EBPL: variants seen among roughly 807,000 people sequenced by gnomAD.
EBPL encodes EBP like.
A neutral mutation model predicts 19.0 loss-of-function variants in EBPL; 20 were observed. That is an observed-to-expected ratio of 1.05 (90% CI 0.74 to 1.53). The LOEUF (loss-of-function observed/expected upper bound fraction) is 1.53, where lower values mean the gene tolerates loss of function less well. Ranked by LOEUF, EBPL falls within the 40% of genes most tolerant of loss-of-function variation. EBPL has a pLI of 0.00. For missense variants in EBPL, 219 were observed against 261.1 expected, an observed-to-expected ratio of 0.84 and a Z score of 1.11; for synonymous variants, 107 against 117.0, an observed-to-expected ratio of 0.91 and a Z score of 0.55.
intron 1 of EBPL, among the ~76,000 whole-genome samples, chr13:49,678,321 C>T (rs1387508630): frequency 3.3e-5 from 5 of 152,362 alleles, no homozygotes; most frequent in East Asian, 3.9e-4. Context: ...GCCAGTCCTG[C>T]GCCGCGCGCC....
chr13:49,671,037 G>A (rs1001073291), intron 1 of EBPL, among the ~76,000 whole-genome samples: 2 of 152,218 alleles, frequency 1.3e-5, no homozygotes, highest in African/African-American at 2.4e-5. Context: ...TTGTGATTAT[G>A]GAAACAGCGT....
At chr13:49,664,052 G>A (rs548908750) in intron 2 of EBPL, among the ~76,000 whole-genome samples, 28 of 152,348 alleles carry the variant, frequency 1.8e-4, no homozygotes, top group African/African-American at 6.7e-4. Flanking sequence ...AGGAGTTTGG[G>A]ACCAGCTCAG....
Position 49,665,113 on chromosome 13 carries a change from CTT to C in EBPL, c.242-1920_242-1919del, listed in dbSNP as rs71078878. On this transcript the variant is annotated intron_variant, in intron 2 of 3. Coordinates refer to ENST00000242827, the MANE Select transcript of EBPL (RefSeq NM_032565.5). ...GAACAAAAAGAGATATTGACCAAGT[CTT>C]TTTTTTTTTTTTTTTGAGAAGGAGT... 1.6e-3 allele frequency among the ~76,000 whole-genome samples: 205 copies of C among 130,648 alleles called. 1 individual carries two copies. The highest frequency in any genetic ancestry group is 3.8e-3 in the African/African-American group (132 of 34,744). 85.7% of individuals were successfully genotyped at this position (130,648 alleles called of 152,430 possible).
At chr13:49,681,839 T>C (rs1206580226) in intron 1 of EBPL, among the ~76,000 whole-genome samples, 1 of 152,232 alleles carries the variant, frequency 6.6e-6, no homozygotes, top group Non-Finnish European at 1.5e-5. Flanking sequence ...TTGTTGTATG[T>C]TTGAATGAAG....
At chr13:49,678,024 G>A (rs942937820) in intron 1 of EBPL, among the ~76,000 whole-genome samples, 1 of 24,038 alleles carries the variant, frequency 4.2e-5, no homozygotes, top group African/African-American at 6.7e-5. Context: ...AGCGTGGAAG[G>A]GGACCCAAGC....
intron 2 of EBPL, among the ~76,000 whole-genome samples, chr13:49,664,080 T>C (rs868311517): frequency 1.3e-5 from 2 of 152,108 alleles, no homozygotes; most frequent in Admixed American, 6.6e-5. Context: ...GGCGAAACCG[T>C]GTCTCTACTA....
chr13:49,667,522 T>A (rs1965245733), intron 2 of EBPL, among the ~76,000 whole-genome samples: 1 of 152,174 alleles, frequency 6.6e-6, no homozygotes, highest in Admixed American at 6.5e-5. Context: ...GGTATCAGAA[T>A]CTGCATTTGA....
At chr13:49,667,161 T>A (rs1965240967) in intron 2 of EBPL, among the ~76,000 whole-genome samples, 1 of 152,160 alleles carries the variant, frequency 6.6e-6, no homozygotes, top group Admixed American at 6.5e-5. Context: ...CTGTGGCATC[T>A]CCCTCTGGCA....
intron 2 of EBPL, among the ~76,000 whole-genome samples, chr13:49,667,430 G>C (rs1965244670): frequency 6.6e-6 from 1 of 152,128 alleles, no homozygotes; most frequent in Non-Finnish European, 1.5e-5. Flanking sequence ...GAGTATTCAT[G>C]AGGTTTATGG....
Position 49,683,484 on chromosome 13 carries a change from G to A in EBPL, c.171+7770C>T, listed in dbSNP as rs535025622. On this transcript the variant is annotated intron_variant, in intron 1 of 3. Coordinates refer to ENST00000242827, the MANE Select transcript of EBPL (RefSeq NM_032565.5). ...AGGCGGAGCTTGCAGTGAGCCGATC[G>A]CACCACTGCACTCCAGCCTGGACCA... is the stretch of plus-strand genomic sequence containing the variant. Among the ~76,000 whole-genome samples, 20 of 152,010 alleles carry A rather than the reference G, an allele frequency of 1.3e-4. No individual in the cohort carries two copies. The East Asian group carries it at 2.7e-3, about 21-fold the overall frequency.
intron 1 of EBPL, among the ~76,000 whole-genome samples, chr13:49,682,887 C>A (rs1375447164): frequency 6.6e-6 from 1 of 152,166 alleles, no homozygotes; most frequent in Non-Finnish European, 1.5e-5. Flanking sequence ...TTCCACCTTC[C>A]CCCACCGCCC....
In EBPL at chr13:49,691,461, C is replaced by T; in HGVS notation, c.-37G>A. ...CCGACGCCAACGGCCCAGGACCATGCGGCAGAGGAAAGCAGGGAGAGAAAC... is the reference window on the plus strand; with the variant it reads ...CCGACGCCAACGGCCCAGGACCATGTGGCAGAGGAAAGCAGGGAGAGAAAC... On this transcript the variant is annotated 5_prime_UTR_variant, in exon 1 of 4. Coordinates refer to ENST00000242827, the MANE Select transcript of EBPL (RefSeq NM_032565.5). The T allele has an allele frequency of 4.6e-6, 6 of 1,297,048 alleles. No individual in the cohort carries two copies. Among genetic ancestry groups the T allele is most frequent in the Non-Finnish European group, 4.9e-6 (5 of 1,021,054 alleles). The allele number at this position is 1,297,048 out of a possible 1,614,324, so 80.3% of individuals were successfully genotyped here.
intron 1 of EBPL, among the ~76,000 whole-genome samples, chr13:49,676,601 A>T (rs1286942313): frequency 1.3e-5 from 2 of 148,834 alleles, no homozygotes; most frequent in Non-Finnish European, 3.0e-5. Context: ...CAAAAAAAAT[A>T]AAATAAATAA....
chr13:49,691,057 C>A (rs1954057615), intron 1 of EBPL, among the ~76,000 whole-genome samples, 197 bp downstream of exon 1: 1 of 152,234 alleles, frequency 6.6e-6, no homozygotes, highest in Admixed American at 6.5e-5. Flanking sequence ...AGGTAAGCTG[C>A]GCTCTGTTCA....
chr13:49,674,242 A>G (rs1302706324), intron 1 of EBPL, among the ~76,000 whole-genome samples: 2 of 152,020 alleles, frequency 1.3e-5, no homozygotes, highest in East Asian at 3.9e-4. Context: ...AGCTGGGGTT[A>G]CAGGTGCCCG....
At chr13:49,684,057 G>A (rs753266798) in intron 1 of EBPL, among the ~76,000 whole-genome samples, 4 of 152,230 alleles carry the variant, frequency 2.6e-5, no homozygotes, top group Admixed American at 6.5e-5. Flanking sequence ...TTATAGGACA[G>A]CAAAACTTTA....
At chr13:49,689,662 T>A (rs1174021392) in intron 1 of EBPL, among the ~76,000 whole-genome samples, 1 of 146,060 alleles carries the variant, frequency 6.8e-6, no homozygotes, top group East Asian at 2.0e-4. Context: ...TACATTTTTA[T>A]ATATATACAT....
chr13:49,691,222 G>A (rs1396821138), intron 1 of EBPL, 32 bp downstream of exon 1: 3 of 1,309,626 alleles, frequency 2.3e-6, no homozygotes, highest in East Asian at 5.8e-5. Flanking sequence ...TCTCTGGGAT[G>A]GGGAGTGCAG....
intron 1 of EBPL, among the ~76,000 whole-genome samples, chr13:49,682,156 C>T (rs573685657): frequency 2.6e-5 from 4 of 152,284 alleles, no homozygotes; most frequent in African/African-American, 7.2e-5. Context: ...TGAACCTGCC[C>T]AGCAGCCAGT....
Sources: allele counts gnomAD v4.1 joint callset (sites outside exome capture counted in the v4.1 genomes callset), GRCh38; gene constraint gnomAD v4.1.1; transcripts MANE v1.5; gene names NCBI Gene and HGNC (gene_info 2026-07-23, HGNC 2026-07-21).